The following EPHA5 variants were observed in gnomAD, a reference collection of about 807,000 sequenced individuals.
EPHA5 encodes EPH receptor A5, also known as ephrin type-A receptor 5.
EPHA5 carries 60 observed loss-of-function variants against 105.0 expected under a neutral mutation model. The observed-to-expected ratio is 0.57, with a 90% confidence interval of 0.46 to 0.71. The LOEUF (loss-of-function observed/expected upper bound fraction) is 0.71, where lower values mean the gene tolerates loss of function less well. Among genes scored for constraint, EPHA5 ranks in the 30% least tolerant of loss-of-function variants. The probability of loss-of-function intolerance (pLI) is 0.00; values close to 1 mark genes in which losing one functional copy is unlikely to be tolerated. For missense variants in EPHA5, 1,218 were observed against 1,274.7 expected (o/e 0.96, Z 0.68); for synonymous variants, 513 against 449.1 (o/e 1.14, Z -1.80).
chr4:65,587,168 A>C (rs1345884553), intron 3 of EPHA5, among the ~76,000 whole-genome samples: 1 of 152,122 alleles, frequency 6.6e-6, no homozygotes, highest in Non-Finnish European at 1.5e-5. Context: ...TAATTTCGGA[A>C]TTGGTGGGGA....
chr4:65,326,032 A>ATATATATATG (rs1212472061), intron 16 of EPHA5, among the ~76,000 whole-genome samples: 1 of 146,488 alleles, frequency 6.8e-6, no homozygotes, highest in African/African-American at 2.5e-5. Flanking sequence ...TATATATCTC[A>ATATATATATG]TATATATATG....
intron 10 of EPHA5, 136 bp downstream of exon 10, chr4:65,365,796 G>T (rs1717849772): frequency 2.5e-6 from 2 of 794,906 alleles, no homozygotes; most frequent in Non-Finnish European, 1.9e-6. Flanking sequence ...ATTAAAATGT[G>T]ATCAGTTACA....
chr4:65,356,154 TC>T (rs1483419724), intron 11 of EPHA5, among the ~76,000 whole-genome samples: 1 of 151,562 alleles, frequency 6.6e-6, no homozygotes, highest in Admixed American at 6.6e-5. Flanking sequence ...TTACCCCATG[TC>T]CTTTATGTTT....
At chr4:65,426,733 C>T (rs777555656) in intron 5 of EPHA5, among the ~76,000 whole-genome samples, 3 of 152,150 alleles carry the variant, frequency 2.0e-5, no homozygotes, top group Non-Finnish European at 2.9e-5. Context: ...CTAGTCTCCT[C>T]ACTTTATTTA....
chr4:65,438,774 A>G (rs551121365), intron 5 of EPHA5, among the ~76,000 whole-genome samples: 1 of 152,146 alleles, frequency 6.6e-6, no homozygotes, highest in East Asian at 1.9e-4. Context: ...TGGAAAAAAA[A>G]ATAGCAAGAA....
chr4:65,490,310 G>A (rs111284511), intron 5 of EPHA5, 67 bp downstream of exon 5: 60 of 1,455,218 alleles, frequency 4.1e-5, no homozygotes, highest in African/African-American at 2.6e-4. Context: ...CAACTTGGCC[G>A]TCAGCTATGG....
chr4:65,392,354 T>C (rs1255092762), intron 8 of EPHA5, among the ~76,000 whole-genome samples: 1 of 152,154 alleles, frequency 6.6e-6, no homozygotes, highest in East Asian at 1.9e-4. Flanking sequence ...TTGAGCTTTT[T>C]TCTAAAATCA....
intron 14 of EPHA5, among the ~76,000 whole-genome samples, chr4:65,342,929 G>A (rs898911667): frequency 4.0e-5 from 6 of 151,830 alleles, no homozygotes; most frequent in East Asian, 2.0e-4. Flanking sequence ...GTAATAAAAC[G>A]ACTGGATTAA....
chr4:65,510,649 G>A (rs552743927), intron 3 of EPHA5, among the ~76,000 whole-genome samples: 1 of 152,272 alleles, frequency 6.6e-6, no homozygotes, highest in African/African-American at 2.4e-5. Flanking sequence ...CTCAATAGCC[G>A]TTTTAAAACA....
At chr4:65,365,798 T>C (rs1373053199) in intron 10 of EPHA5, 134 bp downstream of exon 10, 1 of 806,156 alleles carries the variant, frequency 1.2e-6, no homozygotes, top group East Asian at 2.7e-5. Flanking sequence ...TAAAATGTGA[T>C]CAGTTACATA....
At chr4:65,562,827 G>A (rs1305114863) in intron 3 of EPHA5, among the ~76,000 whole-genome samples, 2 of 152,004 alleles carry the variant, frequency 1.3e-5, no homozygotes, top group African/African-American at 2.4e-5. Flanking sequence ...TTAGCCAGGT[G>A]TGGTGGTACA....
chr4:65,331,254 A>G (rs1197488562), intron 16 of EPHA5: 3 of 1,030,038 alleles, frequency 2.9e-6, no homozygotes, highest in African/African-American at 3.4e-5. Flanking sequence ...ACAAATAACA[A>G]TTAGGCTAAA....
At chr4:65,391,465 C>T (rs1055455659) in intron 8 of EPHA5, among the ~76,000 whole-genome samples, 3 of 152,078 alleles carry the variant, frequency 2.0e-5, no homozygotes, top group Non-Finnish European at 4.4e-5. Context: ...TGTTTAAAAT[C>T]ATCTGAGACA....
intron 2 of EPHA5, among the ~76,000 whole-genome samples, chr4:65,636,219 G>A (rs1747108061): frequency 6.6e-6 from 1 of 152,114 alleles, no homozygotes; most frequent in Admixed American, 6.6e-5. Context: ...AATTTGAGTA[G>A]CTATGTTCTA....
intron 5 of EPHA5, among the ~76,000 whole-genome samples, chr4:65,478,850 T>C (rs1030969994): frequency 1.5e-4 from 23 of 152,196 alleles, no homozygotes; most frequent in African/African-American, 5.5e-4. Flanking sequence ...TCAAGATTAA[T>C]ATAAGCTCAA....
chr4:65,639,680 A>T (rs1162259647), intron 2 of EPHA5, among the ~76,000 whole-genome samples: 3 of 152,004 alleles, frequency 2.0e-5, no homozygotes, highest in Non-Finnish European at 4.4e-5. Flanking sequence ...ATTTGTTCTG[A>T]CCCATTTGGC....
intron 3 of EPHA5, among the ~76,000 whole-genome samples, chr4:65,509,207 C>T (rs372000519): frequency 5.9e-5 from 9 of 152,232 alleles, no homozygotes; most frequent in East Asian, 5.8e-4. Context: ...AGAAAATTCA[C>T]GCTCAAAATA....
At position 65,433,513 on chromosome 4, in the gene EPHA5, T is replaced by A. The variant is rs375253877; in HGVS notation, c.1403-12948A>T. Among the ~76,000 whole-genome samples, 43 of 152,314 alleles carry A rather than the reference T, an allele frequency of 2.8e-4. No individual in the cohort carries two copies. In the East Asian group the frequency reaches 8.1e-3, roughly 29 times the overall value. On this transcript the variant is annotated intron_variant, in intron 5 of 16. Coordinates refer to ENST00000613740, the MANE Select transcript of EPHA5 (RefSeq NM_001281766.3). ...TTCTATTCACCCAGAAACTCAGATATATTTCAACACAGCCTTGCCAAAGTA... is the reference window on the plus strand; with the variant it reads ...TTCTATTCACCCAGAAACTCAGATAAATTTCAACACAGCCTTGCCAAAGTA...
rs1211886759 is a variant in EPHA5, at chr4:65,332,138, A to G, written c.2790-10T>C. The G allele has an allele frequency of 1.3e-6, 2 of 1,563,998 alleles. No individual in the cohort carries two copies. Among genetic ancestry groups the G allele is most frequent in the South Asian group, 1.2e-5 (1 of 81,972 alleles). On this transcript the variant is annotated splice_polypyrimidine_tract_variant and intron_variant, in intron 15 of 16. Transcript: ENST00000613740. ...CAATAAATTAGATACTCTAAAACAC[A>G]TAAAACATAAATATTAAAAGTTACA...
Sources: allele counts gnomAD v4.1 joint callset (sites outside exome capture counted in the v4.1 genomes callset), GRCh38; gene constraint gnomAD v4.1.1; transcripts MANE v1.5; gene names NCBI Gene and HGNC (gene_info 2026-07-23, HGNC 2026-07-21).